The following CENPO variants were observed in gnomAD, a reference collection of about 807,000 sequenced individuals.
CENPO encodes centromere protein O.
Under a neutral mutation model 36.1 loss-of-function variants are expected in CENPO, and 30 were observed. The observed-to-expected ratio is 0.83, with a 90% CI of 0.62 to 1.13. CENPO has a LOEUF of 1.13. Ranked by LOEUF, CENPO falls within the 50% of genes most tolerant of loss-of-function variation. The pLI, the probability that CENPO is intolerant of heterozygous loss-of-function variation, is 0.00. For missense variants in CENPO, 349 were observed against 357.8 expected (o/e 0.98, Z 0.20); for synonymous variants, 171 against 142.3 (o/e 1.20, Z -1.44).
intron 6 of CENPO, 105 bp from the exon 7 acceptor site, chr2:24,817,565 A>G (rs1667010638): frequency 5.5e-6 from 8 of 1,450,430 alleles, no homozygotes; most frequent in Non-Finnish European, 7.5e-6. Context: ...TCAGTGATCC[A>G]GGCTCCGATT....
chr2:24,817,286 G>A lies in CENPO; in HGVS notation c.767-384G>A, dbSNP rs145203586. Among the ~76,000 whole-genome samples the A allele has an allele frequency of 1.1e-4, 16 of 152,244 alleles. No homozygotes were observed. The East Asian group carries it at 3.1e-3, about 29-fold the overall frequency. Reference sequence around the variant, plus strand: ...GAGAGAGAGATTTTTTGGTGAACCTGTTTCAGTTAAATGTGACATGGGCAA... The same window carrying A: ...GAGAGAGAGATTTTTTGGTGAACCTATTTCAGTTAAATGTGACATGGGCAA... On this transcript the variant is annotated intron_variant, in intron 6 of 7. Coordinates refer to ENST00000380834, the MANE Select transcript of CENPO (RefSeq NM_001322101.2).
At chr2:24,801,772 C>G (rs889999027) in intron 3 of CENPO, among the ~76,000 whole-genome samples, 2 of 152,174 alleles carry the variant, frequency 1.3e-5, no homozygotes, top group African/African-American at 4.8e-5. Flanking sequence ...ATGCCTCCAG[C>G]TTTGTTCTTT....
rs1667254066 is a variant in CENPO at position 24,819,728 on chromosome 2, C to T, written c.*410C>T. 1 of 586,376 alleles carries T rather than the reference C, an allele frequency of 1.7e-6. No individual in the cohort carries two copies. Among genetic ancestry groups the T allele is most frequent in the Non-Finnish European group, 3.0e-6 (1 of 333,352 alleles). 36.3% of individuals were successfully genotyped at this position (586,376 alleles called of 1,614,324 possible). On this transcript the variant is annotated 3_prime_UTR_variant, in exon 8 of 8. Coordinates refer to ENST00000380834, the MANE Select transcript of CENPO (RefSeq NM_001322101.2). ...ACTGTTCAGCCCTATGCCTAAGACC[C>T]CTATGCTGGGGACACTACAGGCACA...
chr2:24,819,235 A>AAGCAGT (rs1667156696), intron 7 of CENPO, 119 bp from the exon 8 acceptor site: 1 of 152,676 alleles, frequency 6.5e-6, no homozygotes, highest in African/African-American at 2.4e-5. Context: ...AATTCTCTTA[A>AAGCAGT]AGCAGTAGCA....
Position 24,822,264 on chromosome 2 carries a change from T to G in CENPO, c.*2946T>G, listed in dbSNP as rs1667862751. The G allele has an allele frequency of 4.8e-6, 2 of 414,746 alleles. No individual in the cohort carries two copies. Among genetic ancestry groups the G allele is most frequent in the East Asian group, 8.6e-5 (2 of 23,328 alleles). 25.7% of individuals were successfully genotyped at this position (414,746 alleles called of 1,614,324 possible). A position where few individuals can be genotyped will look rare whatever the true frequency, so the allele number is the denominator to read the frequency against. On this transcript the variant is annotated 3_prime_UTR_variant, in exon 8 of 8. Coordinates refer to ENST00000380834, the MANE Select transcript of CENPO (RefSeq NM_001322101.2). ...TGAAAGCACAGAGCCTTAGGGGGCCTGGCCACAGAACACAACCATCTTAGG... is the reference window on the plus strand; with the variant it reads ...TGAAAGCACAGAGCCTTAGGGGGCCGGGCCACAGAACACAACCATCTTAGG...
At position 24,820,949 on chromosome 2, in the gene CENPO, G is replaced by GT; in HGVS notation, c.*1632dup. The GT allele has an allele frequency of 1.3e-6, 2 of 1,488,644 alleles. No homozygotes were observed. Among genetic ancestry groups the GT allele is most frequent in the Non-Finnish European group, 1.8e-6 (2 of 1,096,452 alleles). 92.2% of individuals were successfully genotyped at this position (1,488,644 alleles called of 1,614,324 possible). A position where few individuals can be genotyped will look rare whatever the true frequency, so the allele number is the denominator to read the frequency against. On this transcript the variant is annotated 3_prime_UTR_variant, in exon 8 of 8. Coordinates refer to ENST00000380834, the MANE Select transcript of CENPO (RefSeq NM_001322101.2). ...AGACCTGTACCACAAAGCTCCTAAT[G>GT]TAACACATCATTGTCCTCATTCAAC... is the stretch of plus-strand genomic sequence containing the variant.
Position 24,793,633 on chromosome 2 carries a change from C to T in CENPO, c.-69+132C>T, listed in dbSNP as rs372848384. 2.4e-5 allele frequency: 33 copies of T among 1,386,802 alleles called. 1 individual carries two copies. The highest frequency in any genetic ancestry group is 2.2e-4 in the African/African-American group (15 of 68,504). 85.9% of individuals were successfully genotyped at this position (1,386,802 alleles called of 1,614,324 possible). A position where few individuals can be genotyped will look rare whatever the true frequency, so the allele number is the denominator to read the frequency against. On this transcript the variant is annotated intron_variant, in intron 1 of 7. Transcript: ENST00000380834. ...CCCGCTGGACCAGAGTAGCCGTGGCCTCGGGAGCGCGCCGGGGCCGCGGGA... is the reference window on the plus strand; with the variant it reads ...CCCGCTGGACCAGAGTAGCCGTGGCTTCGGGAGCGCGCCGGGGCCGCGGGA...
chr2:24,819,900 T>C lies in CENPO; in HGVS notation c.*582T>C. The C allele has an allele frequency of 6.2e-7, 1 of 1,602,368 alleles. No homozygotes were observed. The highest frequency in any genetic ancestry group is 1.1e-5 in the South Asian group (1 of 89,768). ...CAGTTTCAAAAAATAAATTCTCCCT[T>C]CCGGTTTGGACTGTTGCAGGCTCGA... is the stretch of plus-strand genomic sequence containing the variant. On this transcript the variant is annotated 3_prime_UTR_variant, in exon 8 of 8. Coordinates refer to ENST00000380834, the MANE Select transcript of CENPO (RefSeq NM_001322101.2).
rs769320658 is a variant in CENPO at position 24,821,677 on chromosome 2, G to A, written c.*2359G>A. ...GACCGTGGAGAAAGTGTCAGGGGCC[G>A]CTCACTGCAGCAGCCTGCTCTGCTG... On this transcript the variant is annotated 3_prime_UTR_variant, in exon 8 of 8. Transcript: ENST00000380834. 22 of 1,607,976 alleles carry A rather than the reference G, an allele frequency of 1.4e-5. No homozygotes were observed. The highest frequency in any genetic ancestry group is 6.6e-5 in the South Asian group (6 of 90,402).
intron 3 of CENPO, among the ~76,000 whole-genome samples, chr2:24,801,506 A>G (rs574432353): frequency 3.5e-4 from 54 of 152,256 alleles, no homozygotes; most frequent in African/African-American, 1.2e-3. Context: ...ATTTTTGTAT[A>G]AGGTGTAAGG....
chr2:24,813,171 G>C (rs894375374), intron 3 of CENPO, among the ~76,000 whole-genome samples: 1 of 152,116 alleles, frequency 6.6e-6, no homozygotes, highest in East Asian at 1.9e-4. Flanking sequence ...GCTTGAACCC[G>C]GGAGGCGGAG....
chr2:24,795,888 G>A (rs1665878006), intron 2 of CENPO, among the ~76,000 whole-genome samples: 1 of 152,176 alleles, frequency 6.6e-6, no homozygotes, highest in Non-Finnish European at 1.5e-5. Flanking sequence ...GATAAATAGA[G>A]ATTGGTGAAT....
chr2:24,820,837 C>G lies in CENPO; in HGVS notation c.*1519C>G. On this transcript the variant is annotated 3_prime_UTR_variant, in exon 8 of 8. Coordinates refer to ENST00000380834, the MANE Select transcript of CENPO (RefSeq NM_001322101.2). ...CCGATGACCCCAGCCAGAACCCCGC[C>G]TTTGTTCATGCCTAGGGTAGAGGCA... 1 of 1,614,052 alleles carries G rather than the reference C, an allele frequency of 6.2e-7. No homozygotes were observed. Among genetic ancestry groups the G allele is most frequent in the Non-Finnish European group, 8.5e-7 (1 of 1,179,970 alleles).
chr2:24,814,285 C>G (rs1572742786), intron 3 of CENPO, 91 bp from the exon 4 acceptor site: 1 of 754,210 alleles, frequency 1.3e-6, no homozygotes, highest in East Asian at 2.4e-5. Context: ...ATATCATGTG[C>G]CTTGTATTTA....
Position 24,820,487 on chromosome 2 carries a change from C to T in CENPO, c.*1169C>T, listed in dbSNP as rs1245010362. 2 of 1,394,776 alleles carry T rather than the reference C, an allele frequency of 1.4e-6. No homozygotes were observed. The highest frequency in any genetic ancestry group is 2.9e-5 in the African/African-American group (2 of 68,636). The allele number at this position is 1,394,776 out of a possible 1,614,324, so 86.4% of individuals were successfully genotyped here. A position where few individuals can be genotyped will look rare whatever the true frequency, so the allele number is the denominator to read the frequency against. Reference sequence around the variant, plus strand: ...TCACAAGGTATTAGAAGGTTCATACCCAAAGGTAGGCCATATGCATCTAGA... The same window carrying T: ...TCACAAGGTATTAGAAGGTTCATACTCAAAGGTAGGCCATATGCATCTAGA... On this transcript the variant is annotated 3_prime_UTR_variant, in exon 8 of 8. Coordinates refer to ENST00000380834, the MANE Select transcript of CENPO (RefSeq NM_001322101.2).
chr2:24,797,582 G>A (rs1665961753), intron 2 of CENPO, among the ~76,000 whole-genome samples: 1 of 152,156 alleles, frequency 6.6e-6, no homozygotes, highest in Admixed American at 6.5e-5. Flanking sequence ...CAGAAAGTGG[G>A]GTCAGAGAGG....
At chr2:24,801,817 T>C (rs545454929) in intron 3 of CENPO, among the ~76,000 whole-genome samples, 97 of 152,344 alleles carry the variant, frequency 6.4e-4, no homozygotes, top group South Asian at 1.2e-3. Context: ...GGGGCTCTTT[T>C]TTGGTTCCAT....
At chr2:24,793,789 C>G in intron 1 of CENPO, 63 bp from the exon 2 acceptor site, 2 of 1,261,604 alleles carry the variant, frequency 1.6e-6, no homozygotes, top group Non-Finnish European at 2.3e-6. Context: ...TGGTGTGTGC[C>G]CTGCCGTCTG....
intron 3 of CENPO, among the ~76,000 whole-genome samples, chr2:24,807,255 T>C (rs76317035): frequency 0.051 from 7,779 of 152,184 alleles, 282 homozygotes; most frequent in African/African-American, 0.098. Context: ...CCCAGAAGCC[T>C]CCAGTTTGCC....
Sources: gnomAD v4.1 joint callset for allele counts (sites outside exome capture counted in the v4.1 genomes callset) on GRCh38, gnomAD v4.1.1 for gene constraint, MANE v1.5 for transcripts, NCBI Gene and HGNC (gene_info 2026-07-23, HGNC 2026-07-21) for gene names.